Variants in SLC25A26 observed in about 807,000 individuals in gnomAD.
The protein encoded by SLC25A26 is mitochondrial S-adenosylmethionine carrier protein.
In SLC25A26, 36 loss-of-function variants were observed where a neutral mutation model predicts 37.8. The observed-to-expected ratio is 0.95, with a 90% CI of 0.73 to 1.26. SLC25A26 has a LOEUF of 1.26. Among genes scored for constraint, SLC25A26 ranks in the 50% most tolerant of loss-of-function variants. The probability of loss-of-function intolerance (pLI) is 0.00; values close to 1 mark genes in which losing one functional copy is unlikely to be tolerated. For missense variants in SLC25A26, 390 were observed against 331.1 expected (o/e 1.18, Z -1.38); for synonymous variants, 129 against 122.5 (o/e 1.05, Z -0.35).
intron 6 of SLC25A26, among the ~76,000 whole-genome samples, chr3:66,352,546 A>AT (rs763971022): frequency 1.3e-5 from 2 of 151,628 alleles, no homozygotes; most frequent in Non-Finnish European, 2.9e-5. Context: ...ATGTGTGATA[A>AT]TTTTTTTAAT....
At chr3:66,363,761 G>T (rs1006336920) in intron 7 of SLC25A26, among the ~76,000 whole-genome samples, 10 of 152,110 alleles carry the variant, frequency 6.6e-5, no homozygotes, top group African/African-American at 2.4e-4. Context: ...TTGTTTAATG[G>T]TCATTTTTGT....
At chr3:66,373,269 C>A (rs1315030314) in intron 9 of SLC25A26, among the ~76,000 whole-genome samples, 1 of 152,166 alleles carries the variant, frequency 6.6e-6, no homozygotes, top group Non-Finnish European at 1.5e-5. Flanking sequence ...AATCTGTGGG[C>A]ACTAGAACAC....
At chr3:66,267,030 C>T (rs1466678992) in intron 5 of SLC25A26, among the ~76,000 whole-genome samples, 1 of 152,118 alleles carries the variant, frequency 6.6e-6, no homozygotes, top group Non-Finnish European at 1.5e-5. Flanking sequence ...TTCTGGAGTG[C>T]CTACTGGGTC....
intron 9 of SLC25A26, among the ~76,000 whole-genome samples, chr3:66,373,737 T>C (rs1389010345): frequency 3.3e-5 from 5 of 152,030 alleles, no homozygotes; most frequent in African/African-American, 1.2e-4. Flanking sequence ...TGGTTATTTT[T>C]GGACAAGTAA....
chr3:66,312,602 G>A (rs2075413493), intron 5 of SLC25A26, among the ~76,000 whole-genome samples: 1 of 151,992 alleles, frequency 6.6e-6, no homozygotes, highest in Admixed American at 6.5e-5. Context: ...ACCCAGTTTT[G>A]TGCTTGAAAC....
At chr3:66,274,531 A>G (rs1034957235) in intron 5 of SLC25A26, among the ~76,000 whole-genome samples, 8 of 152,236 alleles carry the variant, frequency 5.3e-5, no homozygotes, top group African/African-American at 1.9e-4. Flanking sequence ...CGGAATCTAC[A>G]ATGAACTCAA....
At chr3:66,197,639 G>A (rs1247270856) in intron 1 of SLC25A26, among the ~76,000 whole-genome samples, 6 of 152,086 alleles carry the variant, frequency 3.9e-5, no homozygotes, top group Admixed American at 3.9e-4. Context: ...GAACTTGAGT[G>A]TCTGGTTTAG....
chr3:66,206,309 G>A (rs957085950), intron 1 of SLC25A26, among the ~76,000 whole-genome samples: 6 of 152,086 alleles, frequency 3.9e-5, no homozygotes, highest in African/African-American at 1.4e-4. Flanking sequence ...CTCGAGGCAG[G>A]GTCCATTTTG....
chr3:66,326,841 G>A (rs951004743), intron 5 of SLC25A26, among the ~76,000 whole-genome samples: 25 of 152,118 alleles, frequency 1.6e-4, no homozygotes, highest in Non-Finnish European at 2.6e-4. Context: ...CAGAAAGCCC[G>A]GACAGTCGAG....
chr3:66,335,756 C>G (rs2076080434), intron 5 of SLC25A26, among the ~76,000 whole-genome samples: 1 of 152,126 alleles, frequency 6.6e-6, no homozygotes, highest in Non-Finnish European at 1.5e-5. Context: ...ATTCCTCAGC[C>G]CCTTCTGTCT....
intron 1 of SLC25A26, among the ~76,000 whole-genome samples, chr3:66,155,748 C>T (rs922705270): frequency 2.6e-5 from 4 of 152,148 alleles, no homozygotes; most frequent in African/African-American, 9.7e-5. Flanking sequence ...AAAACCAGCA[C>T]ACTCAAATCA....
At chr3:66,175,140 T>TATACACACAC (rs1413714739) in intron 1 of SLC25A26, among the ~76,000 whole-genome samples, 6 of 67,008 alleles carry the variant, frequency 9.0e-5, no homozygotes, top group African/African-American at 3.8e-4. Flanking sequence ...TATATATATA[T>TATACACACAC]ACACACACAC....
intron 1 of SLC25A26, among the ~76,000 whole-genome samples, chr3:66,224,643 C>G (rs1174414700): frequency 6.6e-6 from 1 of 152,192 alleles, no homozygotes; most frequent in Admixed American, 6.5e-5. Context: ...CATTTCAAAA[C>G]CAATCATGCC....
chr3:66,233,925 G>A (rs1049705112), intron 1 of SLC25A26, among the ~76,000 whole-genome samples: 2 of 152,096 alleles, frequency 1.3e-5, no homozygotes, highest in Admixed American at 1.3e-4. Flanking sequence ...TTAAAATTTA[G>A]CAGTAGATAG....
At chr3:66,252,401 A>G (rs2073119967) in intron 3 of SLC25A26, among the ~76,000 whole-genome samples, 1 of 152,206 alleles carries the variant, frequency 6.6e-6, no homozygotes, top group African/African-American at 2.4e-5. Context: ...ACTAGGGAGT[A>G]TTTGAGGATG....
chr3:66,134,852 C>T (rs900981995), intron 1 of SLC25A26, among the ~76,000 whole-genome samples: 4 of 150,296 alleles, frequency 2.7e-5, no homozygotes, highest in Non-Finnish European at 4.4e-5. Flanking sequence ...TTTTTTGAGA[C>T]GGAGTTTTGT....
At chr3:66,155,956 G>T (rs2070276907) in intron 1 of SLC25A26, among the ~76,000 whole-genome samples, 1 of 152,134 alleles carries the variant, frequency 6.6e-6, no homozygotes, top group Admixed American at 6.5e-5. Context: ...CAGAGTCTCT[G>T]AGTCCCAAAC....
intron 5 of SLC25A26, among the ~76,000 whole-genome samples, chr3:66,279,804 G>T (rs1208608214): frequency 6.6e-6 from 1 of 152,184 alleles, no homozygotes; most frequent in Non-Finnish European, 1.5e-5. Flanking sequence ...GATACAGCTT[G>T]CCTGTGTCTT....
chr3:66,223,311 C>G (rs566390644), intron 1 of SLC25A26, among the ~76,000 whole-genome samples: 1 of 152,078 alleles, frequency 6.6e-6, no homozygotes, highest in East Asian at 1.9e-4. Flanking sequence ...GGGAATGGCT[C>G]AAGTGGAAAG....
Sources: allele counts gnomAD v4.1 joint callset (sites outside exome capture counted in the v4.1 genomes callset), GRCh38; gene constraint gnomAD v4.1.1; transcripts MANE v1.5; gene names NCBI Gene and HGNC (gene_info 2026-07-23, HGNC 2026-07-21).